Variants in SPRED1 observed in about 807,000 individuals in gnomAD.
SPRED1 encodes the protein sprouty-related, EVH1 domain-containing protein 1.
A neutral mutation model predicts 52.3 loss-of-function variants in SPRED1; 18 were observed. That is an observed-to-expected ratio of 0.34 (90% CI 0.24 to 0.51). The LOEUF (loss-of-function observed/expected upper bound fraction) is 0.51, where lower values mean the gene tolerates loss of function less well. Ranked by LOEUF, SPRED1 falls within the 20% of genes least tolerant of loss-of-function variation. The pLI is 0.97. For missense variants in SPRED1, 485 were observed against 551.0 expected (o/e 0.88, Z 1.20); for synonymous variants, 155 against 179.7 (o/e 0.86, Z 1.10).
Position 38,322,210 on chromosome 15 carries a change from A to C in SPRED1, c.208-31A>C, listed in dbSNP as rs763539012. The stretch of plus-strand genomic sequence containing the variant: ...TACATTAGATGCATTTGATATATGT[A>C]TATTAATTTTTGGTATTTGGCTTTT... On this transcript the variant is annotated intron_variant, in intron 2 of 6. Coordinates refer to ENST00000299084, the MANE Select transcript of SPRED1 (RefSeq NM_152594.3). 26 of 1,604,056 alleles carry C rather than the reference A, an allele frequency of 1.6e-5. No homozygotes were observed. In the South Asian group the frequency reaches 2.9e-4, roughly 18 times the overall value.
intron 1 of SPRED1, among the ~76,000 whole-genome samples, chr15:38,264,223 T>A (rs1048019174): frequency 6.6e-6 from 1 of 152,148 alleles, no homozygotes. Context: ...CATGAAAGGT[T>A]TAGTAACTTG....
In SPRED1 at chr15:38,354,155, A is replaced by T. The variant is rs1417290861; in HGVS notation, c.*2491A>T. The T allele has an allele frequency of 1.3e-5, 2 of 152,420 alleles. No homozygotes were observed. The highest frequency in any genetic ancestry group is 4.8e-5 in the African/African-American group (2 of 41,466). The allele number at this position is 152,420 out of a possible 1,614,324, so 9.4% of individuals were successfully genotyped here. ...TAATGTTCTCTGAATCCCTATATGG[A>T]AATTTTCTTTTGAGTAAATGAGAAT... On this transcript the variant is annotated 3_prime_UTR_variant, in exon 7 of 7. Transcript: ENST00000299084.
At chr15:38,277,742 A>G (rs181345382) in intron 1 of SPRED1, among the ~76,000 whole-genome samples, 8 of 152,332 alleles carry the variant, frequency 5.3e-5, no homozygotes, top group Non-Finnish European at 1.0e-4. Flanking sequence ...GCAGTGTATA[A>G]GCATTCCCTT....
chr15:38,291,613 A>C (rs1036370131), intron 1 of SPRED1, among the ~76,000 whole-genome samples: 7 of 152,212 alleles, frequency 4.6e-5, no homozygotes, highest in Non-Finnish European at 1.0e-4. Context: ...TCAATTCTTG[A>C]CTTCTGTGCA....
intron 6 of SPRED1, among the ~76,000 whole-genome samples, chr15:38,350,277 T>G (rs1490689850): frequency 6.6e-6 from 1 of 152,188 alleles, no homozygotes; most frequent in East Asian, 1.9e-4. Flanking sequence ...CTTTCCTCAC[T>G]TTGCCCTCAC....
rs141765299 is a variant in SPRED1, at chr15:38,342,284, C to T, written c.582+2389C>T. Among the ~76,000 whole-genome samples the T allele has an allele frequency of 2.4e-4, 37 of 152,024 alleles. No homozygotes were observed. The East Asian group carries it at 7.1e-3, about 29-fold the overall frequency. Reference sequence around the variant, plus strand: ...TCCTAGAGATTACAAATGTATCTTGCATCCTTAAAATCTATCCTGTATTAA... The same window carrying T: ...TCCTAGAGATTACAAATGTATCTTGTATCCTTAAAATCTATCCTGTATTAA... On this transcript the variant is annotated intron_variant, in intron 5 of 6. Coordinates refer to ENST00000299084, the MANE Select transcript of SPRED1 (RefSeq NM_152594.3).
At chr15:38,284,855 G>A (rs1285261146) in intron 1 of SPRED1, among the ~76,000 whole-genome samples, 1 of 48,600 alleles carries the variant, frequency 2.1e-5, no homozygotes, top group East Asian at 5.0e-4. Context: ...CTTCATCTGG[G>A]ATTTTTTTTT....
At chr15:38,297,992 T>TA (rs1895073031) in intron 1 of SPRED1, among the ~76,000 whole-genome samples, 1 of 152,160 alleles carries the variant, frequency 6.6e-6, no homozygotes, top group Non-Finnish European at 1.5e-5. Context: ...AAAAAATACT[T>TA]ATGTCCAGAA....
intron 2 of SPRED1, among the ~76,000 whole-genome samples, chr15:38,314,827 CT>C (rs1566864786): frequency 6.6e-6 from 1 of 151,708 alleles, no homozygotes; most frequent in Non-Finnish European, 1.5e-5. Context: ...ATACCATTTT[CT>C]TTCCTTCTCT....
intron 2 of SPRED1, among the ~76,000 whole-genome samples, chr15:38,311,792 G>C (rs1191800583): frequency 6.6e-6 from 1 of 152,066 alleles, no homozygotes; most frequent in Non-Finnish European, 1.5e-5. Context: ...TGGATTTGTG[G>C]CTTTGCTCTT....
intron 1 of SPRED1, among the ~76,000 whole-genome samples, chr15:38,288,363 A>AG (rs1365124333): frequency 6.6e-6 from 1 of 152,226 alleles, no homozygotes; most frequent in Non-Finnish European, 1.5e-5. Context: ...GTAGTGAGCA[A>AG]GGAAAACAAG....
chr15:38,303,071 CTA>C (rs1244002540), intron 2 of SPRED1, among the ~76,000 whole-genome samples: 1 of 152,078 alleles, frequency 6.6e-6, no homozygotes, highest in Non-Finnish European at 1.5e-5. Context: ...GTAGTCCCAG[CTA>C]CTCAGGAGGC....
chr15:38,344,184 G>A (rs1168832021), intron 5 of SPRED1, among the ~76,000 whole-genome samples: 2 of 152,108 alleles, frequency 1.3e-5, no homozygotes, highest in Non-Finnish European at 2.9e-5. Flanking sequence ...ATATTGAGTG[G>A]CGGGCAGAAG....
At chr15:38,349,852 T>G (rs1888443276) in intron 6 of SPRED1, among the ~76,000 whole-genome samples, 1 of 152,152 alleles carries the variant, frequency 6.6e-6, no homozygotes, top group Non-Finnish European at 1.5e-5. Context: ...AAATAGAAGT[T>G]TGCCCCAAAC....
At chr15:38,322,905 T>C (rs1440753332) in intron 3 of SPRED1, among the ~76,000 whole-genome samples, 1 of 152,160 alleles carries the variant, frequency 6.6e-6, no homozygotes, top group African/African-American at 2.4e-5. Context: ...TCTATTCCTT[T>C]GTTATCTTGC....
chr15:38,254,451 A>C (rs1420299282), intron 1 of SPRED1, among the ~76,000 whole-genome samples: 1 of 152,122 alleles, frequency 6.6e-6, no homozygotes, highest in Non-Finnish European at 1.5e-5. Flanking sequence ...CAGAAGTGGC[A>C]GCCATGTTCT....
At chr15:38,290,793 T>A (rs1595728659) in intron 1 of SPRED1, among the ~76,000 whole-genome samples, 1 of 152,172 alleles carries the variant, frequency 6.6e-6, no homozygotes, top group East Asian at 1.9e-4. Context: ...TTCCATTACC[T>A]CCCCCTGGGT....
intron 5 of SPRED1, among the ~76,000 whole-genome samples, chr15:38,346,995 G>T (rs1896151832): frequency 6.6e-6 from 1 of 152,098 alleles, no homozygotes; most frequent in Non-Finnish European, 1.5e-5. Flanking sequence ...AGATCTTTCT[G>T]AGTTTTATTT....
chr15:38,351,038 G>A lies in SPRED1; in HGVS notation c.709G>A (p.Val237Ile), dbSNP rs987974431. Residue 237 changes from valine (V) to isoleucine (I), a missense_variant, in exon 7 of 7, where the codon GTC (valine) becomes ATC (isoleucine). Val to Ile is a conservative substitution (Grantham distance 29). Coordinates refer to ENST00000299084, the MANE Select transcript of SPRED1 (RefSeq NM_152594.3). ...NRVPLKSIRH[V>I]SFQDEDEIVR... Reference sequence around the variant, plus strand: ...GGTCCCTTTGAAATCAATCAGACATGTCAGCTTTCAAGATGAGGATGAGAT... The same window carrying A: ...GGTCCCTTTGAAATCAATCAGACATATCAGCTTTCAAGATGAGGATGAGAT... The A allele has an allele frequency of 8.1e-6, 13 of 1,613,562 alleles. No individual in the cohort carries two copies. Among genetic ancestry groups the A allele is most frequent in the Non-Finnish European group, 1.1e-5 (13 of 1,179,914 alleles).
Sources: allele counts gnomAD v4.1 joint callset (sites outside exome capture counted in the v4.1 genomes callset), GRCh38; gene constraint gnomAD v4.1.1; transcripts MANE v1.5; gene names NCBI Gene and HGNC (gene_info 2026-07-23, HGNC 2026-07-21).